KATNIP: variants seen among roughly 807,000 people sequenced by gnomAD.
KATNIP encodes the protein katanin interacting protein.
In KATNIP, 126 loss-of-function variants were observed where a neutral mutation model predicts 174.0. The observed-to-expected ratio is 0.72, with a 90% CI of 0.63 to 0.84. The LOEUF (loss-of-function observed/expected upper bound fraction) is 0.84. Ranked by LOEUF, KATNIP falls within the 40% of genes least tolerant of loss-of-function variation. The pLI, the probability that KATNIP is intolerant of heterozygous loss-of-function variation, is 0.00. For missense variants in KATNIP, 1,958 were observed against 2,109.7 expected, an observed-to-expected ratio of 0.93 and a Z score of 1.41; for synonymous variants, 810 against 835.7, an observed-to-expected ratio of 0.97 and a Z score of 0.53.
At chr16:27,605,799 G>A (rs1430875459) in intron 2 of KATNIP, among the ~76,000 whole-genome samples, 1 of 152,138 alleles carries the variant, frequency 6.6e-6, no homozygotes, top group Non-Finnish European at 1.5e-5. Context: ...TGTTTTCGAG[G>A]ATGGGAATAT....
chr16:27,708,651 G>A (rs1360211069), intron 12 of KATNIP, 54 bp from the exon 13 acceptor site: 31 of 1,463,868 alleles, frequency 2.1e-5, no homozygotes, highest in Admixed American at 5.5e-5. Flanking sequence ...AGGCAGAGCC[G>A]AATTCAAGCC....
At chr16:27,730,375 G>A (rs2080623709) in intron 14 of KATNIP, among the ~76,000 whole-genome samples, 1 of 152,102 alleles carries the variant, frequency 6.6e-6, no homozygotes, top group African/African-American at 2.4e-5. Flanking sequence ...GGAAACTTGA[G>A]TGGAACTGAG....
At chr16:27,767,240 C>T (rs2082157549) in intron 20 of KATNIP, among the ~76,000 whole-genome samples, 2 of 152,140 alleles carry the variant, frequency 1.3e-5, no homozygotes, top group African/African-American at 4.8e-5. Flanking sequence ...ACCTCTGGCA[C>T]GTGGCCTGCC....
chr16:27,633,450 T>G (rs1457412212), intron 5 of KATNIP, among the ~76,000 whole-genome samples: 1 of 149,496 alleles, frequency 6.7e-6, no homozygotes, highest in East Asian at 1.9e-4. Context: ...TTTATTTATT[T>G]TTATATATTT....
chr16:27,583,879 T>C (rs969950939), intron 2 of KATNIP, among the ~76,000 whole-genome samples: 1 of 152,182 alleles, frequency 6.6e-6, no homozygotes, highest in Non-Finnish European at 1.5e-5. Flanking sequence ...CCTTCTTTGG[T>C]GGCAGGTCTG....
chr16:27,776,319 C>A lies in KATNIP; in HGVS notation c.4450-609C>A, dbSNP rs530773763. 3.3e-5 allele frequency among the ~76,000 whole-genome samples: 5 copies of A among 152,112 alleles called. No homozygotes were observed. Among genetic ancestry groups the A allele is most frequent in the Non-Finnish European group, 7.4e-5 (5 of 68,020 alleles). ...GATTCTGTCTTGCAAGGGAGGGCCT[C>A]CCCTAATATCTGAGAGCTTTGGTTG... On this transcript the variant is annotated intron_variant, in intron 24 of 27. Transcript: ENST00000261588. This position sits in a 1 kb window ranked among gnomAD's most constrained non-coding sequence, Gnocchi z 4.7.
At chr16:27,775,133 G>T (rs759360671) in intron 24 of KATNIP, 49 bp downstream of exon 24, 1 of 1,582,762 alleles carries the variant, frequency 6.3e-7, no homozygotes, top group Non-Finnish European at 8.5e-7. Flanking sequence ...CAGGCGGGCA[G>T]GGGGACTTTC....
intron 14 of KATNIP, 87 bp from the exon 15 acceptor site, chr16:27,739,954 T>C: frequency 1.4e-6 from 2 of 1,402,354 alleles, no homozygotes; most frequent in Admixed American, 2.2e-5. Flanking sequence ...ACATTTTCTT[T>C]TCTTTTTTTG....
rs756774861 is a variant in KATNIP at position 27,740,941 on chromosome 16, C to T, written c.2623+21C>T. ...CAGAGGTAAGCTCCAAAGAGCAGCC[C>T]GACTTGGGCATCATCATCCCAGCCC... On this transcript the variant is annotated intron_variant, in intron 15 of 27. Coordinates refer to ENST00000261588, the MANE Select transcript of KATNIP (RefSeq NM_015202.5). 1.3e-5 allele frequency: 21 copies of T among 1,566,214 alleles called. No homozygotes were observed. In the Admixed American group the frequency reaches 2.9e-4, roughly 21 times the overall value.
intron 8 of KATNIP, among the ~76,000 whole-genome samples, chr16:27,696,101 C>A (rs2078903942): frequency 6.6e-6 from 1 of 151,998 alleles, no homozygotes; most frequent in African/African-American, 2.4e-5. Flanking sequence ...TTTATAAAAC[C>A]ATCTTTCCAT....
At chr16:27,695,112 T>A (rs1159379954) in intron 8 of KATNIP, among the ~76,000 whole-genome samples, 1 of 152,234 alleles carries the variant, frequency 6.6e-6, no homozygotes, top group Non-Finnish European at 1.5e-5. Context: ...GGCAGATGCC[T>A]GTAATCTGAC....
chr16:27,619,456 G>A (rs1596955708), intron 3 of KATNIP, among the ~76,000 whole-genome samples: 1 of 152,214 alleles, frequency 6.6e-6, no homozygotes, highest in Non-Finnish European at 1.5e-5. Context: ...GTACGAATGT[G>A]GGCCTCTGTG....
chr16:27,692,420 G>C (rs2078766924), intron 8 of KATNIP, among the ~76,000 whole-genome samples: 1 of 152,144 alleles, frequency 6.6e-6, no homozygotes, highest in South Asian at 2.1e-4. Flanking sequence ...ATAATGCCAG[G>C]TGTCAGGGAT....
At chr16:27,630,315 A>G (rs145630649) in intron 4 of KATNIP, among the ~76,000 whole-genome samples, 23 of 152,376 alleles carry the variant, frequency 1.5e-4, no homozygotes, top group Non-Finnish European at 3.2e-4. Context: ...AAATGATGTA[A>G]GAAATGTAAG....
At chr16:27,778,539 A>T (rs761728556) in intron 27 of KATNIP, 35 bp from the exon 28 acceptor site, 1 of 1,606,892 alleles carries the variant, frequency 6.2e-7, no homozygotes, top group South Asian at 1.1e-5. Flanking sequence ...TTTGAGACTT[A>T]GTAACTCTGG....
chr16:27,654,858 G>GCCCT, intron 6 of KATNIP: 5 of 879,088 alleles, frequency 5.7e-6, no homozygotes, highest in Non-Finnish European at 8.0e-6. Context: ...GGGCGGGCAC[G>GCCCT]GTGGCTTATA....
chr16:27,696,797 C>T (rs993267028), intron 8 of KATNIP, among the ~76,000 whole-genome samples: 2 of 150,856 alleles, frequency 1.3e-5, no homozygotes, highest in Non-Finnish European at 2.9e-5. Context: ...GGTGCGATCT[C>T]GGCTCACTAC....
chr16:27,751,135 T>C (rs989566746), intron 16 of KATNIP, among the ~76,000 whole-genome samples: 1 of 151,934 alleles, frequency 6.6e-6, no homozygotes, highest in Non-Finnish European at 1.5e-5. Flanking sequence ...AGAACCTGAG[T>C]CTGAGATGGG....
chr16:27,684,621 G>A (rs899646926), intron 8 of KATNIP, among the ~76,000 whole-genome samples: 6 of 152,196 alleles, frequency 3.9e-5, no homozygotes, highest in Non-Finnish European at 5.9e-5. Flanking sequence ...CAATGGAAAC[G>A]TATCATCTCA....
Sources: allele counts gnomAD v4.1 joint callset (sites outside exome capture counted in the v4.1 genomes callset), GRCh38; gene constraint gnomAD v4.1.1; non-coding constraint Gnocchi (gnomAD v3.1); transcripts MANE v1.5; gene names NCBI Gene and HGNC (gene_info 2026-07-23, HGNC 2026-07-21).